The following ASIC2 variants were observed in gnomAD, a reference collection of about 807,000 sequenced individuals.
The protein encoded by ASIC2 is acid sensing ion channel subunit 2, also known as acid-sensing ion channel 2.
In ASIC2, 25 loss-of-function variants were observed where a neutral mutation model predicts 57.3. That is an observed-to-expected ratio of 0.44 (90% CI 0.32 to 0.61). The LOEUF (loss-of-function observed/expected upper bound fraction) is 0.61. Among genes scored for constraint, ASIC2 ranks in the 20% least tolerant of loss-of-function variants. The probability of loss-of-function intolerance (pLI) is 0.06; values close to 1 mark genes in which losing one functional copy is unlikely to be tolerated. For synonymous variants in ASIC2, 319 were observed against 307.5 expected (o/e 1.04, Z -0.39); for missense variants, 641 against 738.1 (o/e 0.87, Z 1.52).
intron 1 of ASIC2, among the ~76,000 whole-genome samples, chr17:33,838,516 G>A (rs1287485114): frequency 6.6e-6 from 1 of 151,888 alleles, no homozygotes; most frequent in African/African-American, 2.4e-5. Flanking sequence ...AACTACAACT[G>A]TCAATGATGA....
At chr17:34,016,248 C>T (rs1191583381) in intron 1 of ASIC2, among the ~76,000 whole-genome samples, 1 of 151,778 alleles carries the variant, frequency 6.6e-6, no homozygotes, top group African/African-American at 2.4e-5. Context: ...CACGGTGAAA[C>T]CCCGTCTTTA....
chr17:33,883,889 T>C (rs1054333833), intron 1 of ASIC2, among the ~76,000 whole-genome samples: 2 of 152,134 alleles, frequency 1.3e-5, no homozygotes, highest in Non-Finnish European at 2.9e-5. Context: ...AATTAGATTT[T>C]TTTTTGCACG....
intron 1 of ASIC2, among the ~76,000 whole-genome samples, chr17:34,121,838 C>T (rs1011156879): frequency 6.6e-6 from 1 of 152,224 alleles, no homozygotes; most frequent in Non-Finnish European, 1.5e-5. Flanking sequence ...CATCTTCTAC[C>T]TGGCTTCTCT....
intron 1 of ASIC2, among the ~76,000 whole-genome samples, chr17:33,725,484 C>T (rs550389149): frequency 6.6e-6 from 1 of 152,182 alleles, no homozygotes; most frequent in African/African-American, 2.4e-5. Context: ...AGCTCTATTA[C>T]TTGGTTAAGT....
intron 1 of ASIC2, among the ~76,000 whole-genome samples, chr17:33,941,092 G>T (rs1916182229): frequency 6.6e-6 from 1 of 152,200 alleles, no homozygotes; most frequent in Non-Finnish European, 1.5e-5. Flanking sequence ...AGAATGAGGG[G>T]CCAAGAGCTG....
chr17:33,554,436 G>T (rs1329800932), intron 1 of ASIC2, among the ~76,000 whole-genome samples: 1 of 152,014 alleles, frequency 6.6e-6, no homozygotes, highest in Non-Finnish European at 1.5e-5. Context: ...AGTGACCATA[G>T]AAGGGCTATT....
chr17:33,354,462 C>A (rs1597696081), intron 1 of ASIC2, among the ~76,000 whole-genome samples: 1 of 152,162 alleles, frequency 6.6e-6, no homozygotes, highest in Non-Finnish European at 1.5e-5. Flanking sequence ...CACATAAGAT[C>A]CTTCAGTGAC....
chr17:33,908,157 G>T (rs1048951925), intron 1 of ASIC2, among the ~76,000 whole-genome samples: 3 of 152,108 alleles, frequency 2.0e-5, no homozygotes, highest in Non-Finnish European at 4.4e-5. Flanking sequence ...GAAATTCTGT[G>T]CCCGCTGTAT....
At chr17:33,705,740 T>C (rs1567694190) in intron 1 of ASIC2, among the ~76,000 whole-genome samples, 3 of 152,202 alleles carry the variant, frequency 2.0e-5, no homozygotes, top group Non-Finnish European at 4.4e-5. Context: ...TTTTGGCTCA[T>C]TGAAATCTAT....
intron 1 of ASIC2, among the ~76,000 whole-genome samples, chr17:33,360,567 C>T (rs923079258): frequency 6.6e-6 from 1 of 152,194 alleles, no homozygotes; most frequent in Admixed American, 6.6e-5. Context: ...TTTTTCTAAT[C>T]TTCTAATATG....
chr17:33,872,244 A>C (rs777094274), intron 1 of ASIC2, among the ~76,000 whole-genome samples: 5 of 152,162 alleles, frequency 3.3e-5, no homozygotes, highest in Admixed American at 6.5e-5. Context: ...TGGGGATGAC[A>C]GACCTTACGC....
intron 1 of ASIC2, among the ~76,000 whole-genome samples, chr17:33,943,307 A>C (rs906246310): frequency 6.6e-6 from 1 of 152,246 alleles, no homozygotes; most frequent in Non-Finnish European, 1.5e-5. Flanking sequence ...CCACTTCCCC[A>C]TCTGCCCTCA....
chr17:33,914,275 C>T (rs967618018), intron 1 of ASIC2, among the ~76,000 whole-genome samples: 1 of 152,176 alleles, frequency 6.6e-6, no homozygotes, highest in African/African-American at 2.4e-5. Context: ...TCTTTCATTA[C>T]GAAAGTTGGC....
chr17:33,608,535 G>T (rs1905294524), intron 1 of ASIC2, among the ~76,000 whole-genome samples: 4 of 151,676 alleles, frequency 2.6e-5, no homozygotes, highest in Admixed American at 2.6e-4. Flanking sequence ...TTATATGCAT[G>T]GTGGGGTGGA....
At chr17:33,803,181 ACTCT>A (rs1912178143) in intron 1 of ASIC2, among the ~76,000 whole-genome samples, 1 of 152,188 alleles carries the variant, frequency 6.6e-6, no homozygotes, top group African/African-American at 2.4e-5. Context: ...ATTTCCAAGC[ACTCT>A]ACATCTCTGA....
intron 1 of ASIC2, among the ~76,000 whole-genome samples, chr17:33,600,001 G>A (rs193260228): frequency 7.9e-5 from 12 of 152,098 alleles, no homozygotes; most frequent in East Asian, 7.7e-4. Flanking sequence ...AACAGTTCTC[G>A]CCATCTTCAC....
intron 1 of ASIC2, among the ~76,000 whole-genome samples, chr17:33,346,375 G>A (rs866547358): frequency 2.0e-5 from 3 of 152,142 alleles, no homozygotes; most frequent in Admixed American, 6.6e-5. Context: ...TCAGAGAGGA[G>A]TAGAAGGGAA....
At chr17:33,666,739 C>T (rs564273820) in intron 1 of ASIC2, among the ~76,000 whole-genome samples, 4 of 152,282 alleles carry the variant, frequency 2.6e-5, no homozygotes, top group African/African-American at 9.6e-5. Context: ...CAGAAACCAT[C>T]CTATCTCTGC....
At chr17:33,550,984 A>G (rs542518784) in intron 1 of ASIC2, among the ~76,000 whole-genome samples, 3 of 152,334 alleles carry the variant, frequency 2.0e-5, no homozygotes, top group Admixed American at 1.3e-4. Flanking sequence ...TGCAAAGCTA[A>G]GAAATTTGGA....
Sources: gnomAD v4.1 joint callset for allele counts (sites outside exome capture counted in the v4.1 genomes callset) on GRCh38, gnomAD v4.1.1 for gene constraint, MANE v1.5 for transcripts, NCBI Gene and HGNC (gene_info 2026-07-23, HGNC 2026-07-21) for gene names.